ZCCHC17: variants seen among roughly 807,000 people sequenced by gnomAD.
The protein encoded by ZCCHC17 is zinc finger CCHC-type containing 17.
A neutral mutation model predicts 30.6 loss-of-function variants in ZCCHC17; 18 were observed. The observed-to-expected ratio is 0.59, with a 90% CI of 0.41 to 0.87. ZCCHC17 has a LOEUF of 0.87. Ranked by LOEUF, ZCCHC17 falls within the 40% of genes least tolerant of loss-of-function variation. The pLI is 0.00. For missense variants in ZCCHC17, 263 were observed against 284.2 expected, an observed-to-expected ratio of 0.93 and a Z score of 0.54; for synonymous variants, 88 against 92.4, an observed-to-expected ratio of 0.95 and a Z score of 0.27.
chr1:31,335,791 A>G (rs939679119), intron 3 of ZCCHC17, among the ~76,000 whole-genome samples: 1 of 152,226 alleles, frequency 6.6e-6, no homozygotes, highest in South Asian at 2.1e-4. Context: ...TTATTTTACT[A>G]TCCTTTCACC....
intron 2 of ZCCHC17, among the ~76,000 whole-genome samples, chr1:31,316,140 C>T (rs1210258439): frequency 1.3e-5 from 2 of 152,180 alleles, no homozygotes. Flanking sequence ...CTTGCTCTGT[C>T]ACCCAGGCTG....
chr1:31,339,104 GT>G, intron 5 of ZCCHC17, 56 bp downstream of exon 5: 1 of 1,356,754 alleles, frequency 7.4e-7, no homozygotes, highest in Non-Finnish European at 1.0e-6. Context: ...TCATAAAATG[GT>G]TTAGTAAATC....
At chr1:31,350,200 C>T (rs934940740) in intron 7 of ZCCHC17, among the ~76,000 whole-genome samples, 7 of 152,090 alleles carry the variant, frequency 4.6e-5, no homozygotes, top group African/African-American at 1.2e-4. Flanking sequence ...CTAACTATGG[C>T]CAGTATATTG....
intron 7 of ZCCHC17, among the ~76,000 whole-genome samples, chr1:31,362,864 C>A (rs903147037): frequency 6.6e-6 from 1 of 152,114 alleles, no homozygotes; most frequent in African/African-American, 2.4e-5. Flanking sequence ...TAAAAAAAAT[C>A]AAATTAGACA....
chr1:31,340,001 G>C (rs1204414861), intron 5 of ZCCHC17, among the ~76,000 whole-genome samples: 1 of 128,334 alleles, frequency 7.8e-6, no homozygotes, highest in Admixed American at 8.7e-5. Context: ...GGGTCGCCCA[G>C]GTTGGAGTGC....
chr1:31,329,617 G>C (rs1638498051), intron 3 of ZCCHC17, among the ~76,000 whole-genome samples: 1 of 152,204 alleles, frequency 6.6e-6, no homozygotes, highest in South Asian at 2.1e-4. Context: ...AGAGTGGCGT[G>C]TAATAAAAAT....
chr1:31,312,489 G>A (rs1419488487), intron 2 of ZCCHC17, among the ~76,000 whole-genome samples: 2 of 52,360 alleles, frequency 3.8e-5, no homozygotes, highest in Non-Finnish European at 7.6e-5. Flanking sequence ...ACAAAATCGG[G>A]ATTCTAGTCC....
At chr1:31,336,078 T>G (rs560237688) in intron 3 of ZCCHC17, among the ~76,000 whole-genome samples, 24 of 152,230 alleles carry the variant, frequency 1.6e-4, no homozygotes, top group Non-Finnish European at 1.8e-4. Context: ...ATGTATGTAT[T>G]TATTTATTTG....
intron 2 of ZCCHC17, chr1:31,318,118 G>T (rs1340517379): frequency 5.0e-6 from 7 of 1,392,684 alleles, no homozygotes; most frequent in Non-Finnish European, 5.8e-6. Flanking sequence ...GTATATATTA[G>T]TAAATAGCAG....
At chr1:31,357,651 G>A (rs1639692837) in intron 7 of ZCCHC17, among the ~76,000 whole-genome samples, 1 of 152,168 alleles carries the variant, frequency 6.6e-6, no homozygotes. Flanking sequence ...GTAGTGATAA[G>A]TGCTATAGAG....
intron 3 of ZCCHC17, among the ~76,000 whole-genome samples, chr1:31,324,613 G>A (rs1483455242): frequency 6.6e-6 from 1 of 152,268 alleles, no homozygotes. Context: ...AGTCGAAGCT[G>A]AGCCTGGGCA....
At chr1:31,352,621 A>G (rs964543049) in intron 7 of ZCCHC17, among the ~76,000 whole-genome samples, 1 of 151,996 alleles carries the variant, frequency 6.6e-6, no homozygotes, top group African/African-American at 2.4e-5. Flanking sequence ...CAGCTAATTT[A>G]GTTTTTGTAG....
chr1:31,343,585 A>G (rs1248472201), intron 5 of ZCCHC17, among the ~76,000 whole-genome samples: 1 of 152,176 alleles, frequency 6.6e-6, no homozygotes, highest in Non-Finnish European at 1.5e-5. Context: ...GTGACTCTGT[A>G]AATGGAAAGG....
At chr1:31,302,735 C>T (rs946765504) in intron 1 of ZCCHC17, among the ~76,000 whole-genome samples, 2 of 152,066 alleles carry the variant, frequency 1.3e-5, no homozygotes, top group Admixed American at 6.6e-5. Context: ...GGAAGCAAGG[C>T]ACGTCTTAAG....
intron 1 of ZCCHC17, among the ~76,000 whole-genome samples, chr1:31,303,674 C>A (rs940319289): frequency 3.3e-5 from 5 of 152,068 alleles, no homozygotes; most frequent in African/African-American, 1.2e-4. Flanking sequence ...GAAACTATCA[C>A]ATAATTATGG....
chr1:31,299,313 A>T (rs1475614671), intron 1 of ZCCHC17, among the ~76,000 whole-genome samples: 1 of 151,744 alleles, frequency 6.6e-6, no homozygotes, highest in African/African-American at 2.4e-5. Flanking sequence ...TACTAGAGAA[A>T]TGTAGGATGC....
chr1:31,328,039 T>C (rs1446012630), intron 3 of ZCCHC17, among the ~76,000 whole-genome samples: 2 of 152,028 alleles, frequency 1.3e-5, no homozygotes, highest in Non-Finnish European at 2.9e-5. Flanking sequence ...TGTCCTGTGG[T>C]TGCTAAGATC....
intron 1 of ZCCHC17, among the ~76,000 whole-genome samples, chr1:31,306,851 C>A (rs1213907980): frequency 1.3e-5 from 2 of 150,780 alleles, no homozygotes; most frequent in Non-Finnish European, 3.0e-5. Flanking sequence ...TTCTTTTTTT[C>A]TTTTTGAGAC....
intron 3 of ZCCHC17, among the ~76,000 whole-genome samples, chr1:31,328,937 CA>C (rs1299379835): frequency 1.3e-5 from 2 of 151,998 alleles, no homozygotes; most frequent in African/African-American, 4.8e-5. Flanking sequence ...GAGACTGAGA[CA>C]GGGGGATCAG....
Sources: gnomAD v4.1 joint callset for allele counts (sites outside exome capture counted in the v4.1 genomes callset) on GRCh38, gnomAD v4.1.1 for gene constraint, MANE v1.5 for transcripts, NCBI Gene and HGNC (gene_info 2026-07-23, HGNC 2026-07-21) for gene names.